Variants in PTPRQ observed in about 807,000 individuals in gnomAD.
PTPRQ encodes protein tyrosine phosphatase receptor type Q.
In PTPRQ, 199 loss-of-function variants were observed where a neutral mutation model predicts 246.0. That is an observed-to-expected ratio of 0.81 (90% CI 0.72 to 0.91). The LOEUF is 0.91. PTPRQ is among the 40% of genes least tolerant of loss of function. PTPRQ has a pLI of 0.00. For missense variants in PTPRQ, 2,624 were observed against 2,528.4 expected, an observed-to-expected ratio of 1.04 and a Z score of -0.81; for synonymous variants, 869 against 853.2, an observed-to-expected ratio of 1.02 and a Z score of -0.32.
At chr12:80,588,992 G>A (rs1366875626) in intron 26 of PTPRQ, among the ~76,000 whole-genome samples, 1 of 152,152 alleles carries the variant, frequency 6.6e-6, no homozygotes, top group Non-Finnish European at 1.5e-5. Flanking sequence ...GAGATGGGAA[G>A]AAGAAAATAC....
chr12:80,643,411 C>A (rs116802132), intron 35 of PTPRQ, among the ~76,000 whole-genome samples: 2,565 of 151,006 alleles, frequency 0.017, 57 homozygotes, highest in African/African-American at 0.056. Context: ...GCACTCCAGC[C>A]TGGGCAACAA....
chr12:80,582,381 A>G (rs1400797112), intron 25 of PTPRQ, among the ~76,000 whole-genome samples: 1 of 152,102 alleles, frequency 6.6e-6, no homozygotes, highest in Non-Finnish European at 1.5e-5. Context: ...AATGGAGTGA[A>G]TGTTTATTTC....
At chr12:80,497,947 G>A (rs1399658487) in intron 14 of PTPRQ, among the ~76,000 whole-genome samples, 1 of 151,940 alleles carries the variant, frequency 6.6e-6, no homozygotes, top group African/African-American at 2.4e-5. Flanking sequence ...TAGTAAAGTA[G>A]CTTACTTTTG....
intron 32 of PTPRQ, among the ~76,000 whole-genome samples, chr12:80,621,422 T>C (rs1337747134): frequency 6.6e-6 from 1 of 151,964 alleles, no homozygotes; most frequent in African/African-American, 2.4e-5. Context: ...GTATTGGTTT[T>C]ATGTTTTTAA....
At chr12:80,468,115 A>G (rs1038143991) in intron 6 of PTPRQ, among the ~76,000 whole-genome samples, 1 of 152,216 alleles carries the variant, frequency 6.6e-6, no homozygotes, top group Non-Finnish European at 1.5e-5. Flanking sequence ...ATTTCAATTA[A>G]AAGAATAAAC....
intron 26 of PTPRQ, among the ~76,000 whole-genome samples, chr12:80,601,619 A>G (rs1409876508): frequency 1.3e-5 from 2 of 151,788 alleles, no homozygotes; most frequent in Non-Finnish European, 2.9e-5. Flanking sequence ...TTCTGTCCAC[A>G]CTGGTTCTTA....
rs1039450040 is a variant in PTPRQ, at chr12:80,620,379, A to C, written c.5612+3A>C. On this transcript the variant is annotated splice_donor_region_variant and intron_variant, in intron 32 of 44. Transcript: ENST00000644991. ...CTGAAACCAAAAAAGCAATACTTGT[A>C]AGTATAGGTTATATCTACCATGCAT... The C allele has an allele frequency of 1.9e-6, 3 of 1,548,724 alleles. No individual in the cohort carries two copies. In the Admixed American group the frequency reaches 5.9e-5, roughly 30 times the overall value.
At chr12:80,538,850 G>A (rs1056166563) in intron 19 of PTPRQ, among the ~76,000 whole-genome samples, 5 of 152,036 alleles carry the variant, frequency 3.3e-5, no homozygotes, top group African/African-American at 1.2e-4. Flanking sequence ...TGTCTGTGAA[G>A]TGGAGATGAT....
chr12:80,576,139 C>T (rs962931910), intron 25 of PTPRQ, among the ~76,000 whole-genome samples: 1 of 152,060 alleles, frequency 6.6e-6, no homozygotes, highest in African/African-American at 2.4e-5. Context: ...TTTACAGCCA[C>T]AGGTTTTTTT....
At chr12:80,590,692 C>T (rs1404347471) in intron 26 of PTPRQ, among the ~76,000 whole-genome samples, 2 of 127,132 alleles carry the variant, frequency 1.6e-5, no homozygotes, top group African/African-American at 3.1e-5. Flanking sequence ...AAAAAAAAAA[C>T]TATCCAATGT....
intron 23 of PTPRQ, among the ~76,000 whole-genome samples, chr12:80,543,441 G>A (rs988908449): frequency 1.1e-4 from 16 of 151,702 alleles, no homozygotes; most frequent in Admixed American, 2.6e-4. Context: ...CAGAACTGAT[G>A]CAACAAAGAG....
At chr12:80,606,775 T>A (rs959429683) in intron 27 of PTPRQ, among the ~76,000 whole-genome samples, 1 of 150,990 alleles carries the variant, frequency 6.6e-6, no homozygotes, top group Non-Finnish European at 1.5e-5. Context: ...CAGTCTCTAT[T>A]TTCTGTTCCT....
chr12:80,577,032 T>A (rs920658168), intron 25 of PTPRQ, among the ~76,000 whole-genome samples: 6 of 152,216 alleles, frequency 3.9e-5, no homozygotes, highest in African/African-American at 1.4e-4. Context: ...TTCTAATTAG[T>A]CTTCTAAGAA....
intron 26 of PTPRQ, among the ~76,000 whole-genome samples, chr12:80,603,255 C>T (rs1325457706): frequency 6.6e-6 from 1 of 150,788 alleles, no homozygotes; most frequent in African/African-American, 2.4e-5. Context: ...TTTTACTTGG[C>T]CTTTTGGAAA....
intron 3 of PTPRQ, among the ~76,000 whole-genome samples, chr12:80,450,027 T>A (rs890015644): frequency 1.3e-5 from 2 of 152,242 alleles, no homozygotes; most frequent in African/African-American, 4.8e-5. Context: ...GTTCTTCTTT[T>A]GTTTGTATCC....
chr12:80,619,982 T>G (rs900779272), intron 31 of PTPRQ, among the ~76,000 whole-genome samples, 172 bp from the exon 32 acceptor site: 4 of 151,628 alleles, frequency 2.6e-5, no homozygotes, highest in Non-Finnish European at 5.9e-5. Flanking sequence ...GATTCACATG[T>G]AACAGAGAAG....
intron 19 of PTPRQ, among the ~76,000 whole-genome samples, chr12:80,538,058 G>A (rs568877141): frequency 4.6e-5 from 7 of 152,162 alleles, no homozygotes; most frequent in East Asian, 3.9e-4. Flanking sequence ...GCAGTGAGCC[G>A]AGATCGTGCC....
chr12:80,667,436 T>G (rs1181540207), intron 39 of PTPRQ, among the ~76,000 whole-genome samples: 1 of 152,040 alleles, frequency 6.6e-6, no homozygotes, highest in Non-Finnish European at 1.5e-5. Context: ...CAGCCTATTT[T>G]CTGAAAAGCC....
At position 80,542,110 on chromosome 12, in the gene PTPRQ, T is replaced by C; in HGVS notation, c.3467T>C (p.Ile1156Thr). The C allele has an allele frequency of 6.5e-7, 1 of 1,548,766 alleles. No individual in the cohort carries two copies. The highest frequency in any genetic ancestry group is 8.7e-7 in the Non-Finnish European group (1 of 1,146,256). Reference protein sequence around the residue: ...EEDVPETSPIINTFKNLSSTS... With the variant: ...EEDVPETSPITNTFKNLSSTS... ...ATAGTCCCAGAAACTTCACCAATAA[T>C]CAACACTTTTAAAAACCTTTCCTCT... The change falls in exon 22 of 45, where the codon ATC (isoleucine) becomes ACC (threonine). Residue 1156 changes from isoleucine to threonine, a missense_variant. Coordinates refer to ENST00000644991, the MANE Select transcript of PTPRQ (RefSeq NM_001145026.2).
Sources: gnomAD v4.1 joint callset for allele counts (sites outside exome capture counted in the v4.1 genomes callset) on GRCh38, gnomAD v4.1.1 for gene constraint, MANE v1.5 for transcripts, NCBI Gene and HGNC (gene_info 2026-07-23, HGNC 2026-07-21) for gene names.